The following PDXDC1 variants were observed in gnomAD, a reference collection of about 807,000 sequenced individuals.
The protein encoded by PDXDC1 is pyridoxal-dependent decarboxylase domain-containing protein 1.
PDXDC1 carries 42 observed loss-of-function variants against 100.1 expected under a neutral mutation model. That is an observed-to-expected ratio of 0.42 (90% CI 0.33 to 0.54). PDXDC1 has a LOEUF of 0.54. Ranked by LOEUF, PDXDC1 falls within the 20% of genes least tolerant of loss-of-function variation. PDXDC1 has a pLI of 0.10. For missense variants in PDXDC1, 636 were observed against 979.2 expected, an observed-to-expected ratio of 0.65 and a Z score of 4.68; for synonymous variants, 260 against 371.7, an observed-to-expected ratio of 0.70 and a Z score of 3.46.
rs2151643799 is a variant in PDXDC1, at chr16:15,032,986, G to A, written c.1690+7G>A. On this transcript the variant is annotated splice_region_variant and intron_variant, in intron 18 of 22. Transcript: ENST00000396410. ...GACCTAACCTTTAAAATAGGTAACT[G>A]CTTACTTTGTAAGTCAGCTGTGGGG... 6.8e-7 allele frequency: 1 copy of A among 1,472,718 alleles called. No homozygotes were observed. 91.2% of individuals were successfully genotyped at this position (1,472,718 alleles called of 1,614,324 possible).
At chr16:15,065,644 C>A (rs2044937796) in intron 16 of PDXDC1, among the ~76,000 whole-genome samples, 1 of 152,090 alleles carries the variant, frequency 6.6e-6, no homozygotes, top group Admixed American at 6.5e-5. Flanking sequence ...AGATATTATT[C>A]ATTATATTTT....
chr16:14,995,145 C>T (rs1363755575), intron 1 of PDXDC1, among the ~76,000 whole-genome samples: 1 of 152,282 alleles, frequency 6.6e-6, no homozygotes, highest in Non-Finnish European at 1.5e-5. Context: ...CTTCTCCTGC[C>T]TCATTGCCCT....
rs574538843 is a variant in PDXDC1, at chr16:15,089,041, G to A, written c.1400-49838G>A. On this transcript the variant is annotated intron_variant, in intron 16 of 16. Transcript: ENST00000535621. ...GTCTAGGCCGGGTGGAGTGGCTCAC[G>A]TCTATAATCCCAGCACTTTGGGAGG... 2.0e-5 allele frequency among the ~76,000 whole-genome samples: 3 copies of A among 152,260 alleles called. No individual in the cohort carries two copies. In the South Asian group the frequency reaches 6.2e-4, roughly 32 times the overall value.
At chr16:15,150,343 A>G in the PDXDC1 span, among the ~76,000 whole-genome samples, 1 of 138,250 alleles carries the variant, frequency 7.2e-6, no homozygotes, top group South Asian at 2.3e-4. Context: ...TCCATCTCAA[A>G]TAACAATAAA....
At chr16:15,034,761 C>A (rs1276205591) in intron 21 of PDXDC1, among the ~76,000 whole-genome samples, 1 of 152,204 alleles carries the variant, frequency 6.6e-6, no homozygotes, top group East Asian at 1.9e-4. Flanking sequence ...AAGGAAGCAG[C>A]TACCCACTCT....
At chr16:14,980,590 A>G (rs1458782881) in intron 1 of PDXDC1, among the ~76,000 whole-genome samples, 10 of 152,348 alleles carry the variant, frequency 6.6e-5, no homozygotes, top group Admixed American at 1.3e-4. Context: ...GGTTCACGCC[A>G]TTCTTCTGCC....
rs1974035735 is a variant in PDXDC1 at position 15,005,316 on chromosome 16, A to AAAAAAG, written c.389+987_389+988insAGAAAA. Among the ~76,000 whole-genome samples, 4 of 150,388 alleles carry AAAAAAG rather than the reference A, an allele frequency of 2.7e-5. No homozygotes were observed. The South Asian group carries it at 8.7e-4, about 33-fold the overall frequency. On this transcript the variant is annotated intron_variant, in intron 5 of 22. Transcript: ENST00000396410. ...TGAGACTCTGTCTCAAAAAAAAAAA[A>AAAAAAG]AAAAGAAAACTCTGTCATAAGGAAG...
chr16:15,038,209 T>A lies in PDXDC1; in HGVS notation c.*1934T>A. 1 of 1,611,748 alleles carries A rather than the reference T, an allele frequency of 6.2e-7. No homozygotes were observed. Among genetic ancestry groups the A allele is most frequent in the East Asian group, 2.2e-5 (1 of 44,856 alleles). On this transcript the variant is annotated 3_prime_UTR_variant, in exon 23 of 23. Coordinates refer to ENST00000396410, the MANE Select transcript of PDXDC1 (RefSeq NM_015027.4). ...CTCAGCCAGAGGCGAAGTGGAAAGA[T>A]TCTGAAAACACAAGATGGTGGGCAT...
At chr16:15,062,407 A>G (rs1345591623) in intron 16 of PDXDC1, among the ~76,000 whole-genome samples, 1 of 152,186 alleles carries the variant, frequency 6.6e-6, no homozygotes, top group African/African-American at 2.4e-5. Flanking sequence ...GGGCTTTCCA[A>G]TGATTACTTA....
intron 15 of PDXDC1, 21 bp downstream of exon 15, chr16:15,028,987 C>T (rs572856146): frequency 1.9e-6 from 3 of 1,607,940 alleles, no homozygotes; most frequent in Non-Finnish European, 1.7e-6. Context: ...CAGTCACCCC[C>T]CTTTCCTTTC....
intron 1 of PDXDC1, chr16:14,988,621 C>T: frequency 6.2e-7 from 1 of 1,613,810 alleles, no homozygotes; most frequent in Non-Finnish European, 8.5e-7. Context: ...ACAGGCTGGC[C>T]ACGGGACTCC....
chr16:15,079,933 C>T (rs1368246994), intron 16 of PDXDC1: 2 of 1,460,112 alleles, frequency 1.4e-6, no homozygotes, highest in Admixed American at 4.6e-5. Context: ...ATTGTTTCCA[C>T]ATACTGTGAT....
At chr16:15,084,535 G>A (rs890485791) in intron 16 of PDXDC1, 10 of 723,720 alleles carry the variant, frequency 1.4e-5, no homozygotes, top group Admixed American at 3.3e-5. Flanking sequence ...AAAAAAACAT[G>A]CAATGTAAGA....
At chr16:15,136,007 T>C in intron 16 of PDXDC1, 5 of 1,537,884 alleles carry the variant, frequency 3.3e-6, no homozygotes, top group Non-Finnish European at 4.4e-6. Context: ...TGCTCGGCTG[T>C]GGCTGGGTGT....
At chr16:15,103,555 G>C (rs1352555225) in intron 16 of PDXDC1, among the ~76,000 whole-genome samples, 1 of 151,528 alleles carries the variant, frequency 6.6e-6, no homozygotes, top group Non-Finnish European at 1.5e-5. Context: ...CCAGGCTAGA[G>C]TGTGCTGATG....
intron 16 of PDXDC1, chr16:15,074,678 A>G: frequency 6.7e-7 from 1 of 1,500,638 alleles, no homozygotes; most frequent in Non-Finnish European, 9.1e-7. Context: ...GCACAAAGCC[A>G]GGTACACTGC....
intron 16 of PDXDC1, among the ~76,000 whole-genome samples, chr16:15,132,334 G>GGGGAC (rs1191265125): frequency 3.3e-5 from 1 of 30,398 alleles, no homozygotes; most frequent in Non-Finnish European, 7.4e-5. Context: ...GGGGAGGGGA[G>GGGGAC]GGGGCAGGGG....
chr16:15,093,294 G>A (rs2046214739), intron 16 of PDXDC1, among the ~76,000 whole-genome samples: 1 of 152,122 alleles, frequency 6.6e-6, no homozygotes, highest in Admixed American at 6.5e-5. Context: ...GTGAGCAACC[G>A]CGCCCGGCCT....
rs556470117 is a variant in PDXDC1, at chr16:15,035,557, A to G, written c.2107+4A>G. On this transcript the variant is annotated splice_donor_region_variant and intron_variant, in intron 22 of 22. Coordinates refer to ENST00000396410, the MANE Select transcript of PDXDC1 (RefSeq NM_015027.4). ...CGCACCAAGCAGAGGCTTCCAGGTA[A>G]GTGACGCCTCTGCACCGAGTTCAGG... 2.2e-5 allele frequency: 35 copies of G among 1,575,768 alleles called. 1 individual carries two copies. In the African/African-American group the frequency reaches 4.6e-4, roughly 21 times the overall value.
Sources: allele counts gnomAD v4.1 joint callset (sites outside exome capture counted in the v4.1 genomes callset), GRCh38; gene constraint gnomAD v4.1.1; transcripts MANE v1.5; gene names NCBI Gene and HGNC (gene_info 2026-07-23, HGNC 2026-07-21).